The following WASF1 variants were observed in gnomAD, a reference collection of about 807,000 sequenced individuals.
WASF1 encodes WASP family member 1, also known as actin-binding protein WASF1.
In WASF1, 7 loss-of-function variants were observed where a neutral mutation model predicts 50.5. The ratio of observed to expected loss-of-function variants is 0.14; its 90% CI spans 0.08 to 0.26. The LOEUF is 0.26. WASF1 is among the 10% of genes least tolerant of loss of function. The pLI is 1.00. For missense variants in WASF1, 470 were observed against 694.7 expected, an observed-to-expected ratio of 0.68 and a Z score of 3.64; for synonymous variants, 205 against 244.0, an observed-to-expected ratio of 0.84 and a Z score of 1.49.
chr6:110,117,789 A>G (rs1032323063), intron 4 of WASF1, among the ~76,000 whole-genome samples: 2 of 152,216 alleles, frequency 1.3e-5, no homozygotes, highest in African/African-American at 2.4e-5. Flanking sequence ...TACAAAGGGA[A>G]GCCCATCAGA....
At chr6:110,135,361 T>A (rs578152536) in intron 3 of WASF1, among the ~76,000 whole-genome samples, 1 of 152,168 alleles carries the variant, frequency 6.6e-6, no homozygotes, top group Non-Finnish European at 1.5e-5. Context: ...CCCTTTCTTT[T>A]TCGTTGGATT....
At chr6:110,143,845 T>C (rs1054877745) in intron 3 of WASF1, among the ~76,000 whole-genome samples, 2 of 152,238 alleles carry the variant, frequency 1.3e-5, no homozygotes, top group Admixed American at 6.5e-5. Flanking sequence ...TTATATGTCA[T>C]AGAAATATAA....
At chr6:110,101,031 G>C (rs1281747946) in intron 10 of WASF1, among the ~76,000 whole-genome samples, 1 of 152,050 alleles carries the variant, frequency 6.6e-6, no homozygotes, top group Non-Finnish European at 1.5e-5. Flanking sequence ...ATTTTCTGTG[G>C]CTTCATTATC....
At chr6:110,104,468 A>G (rs776758351) in intron 8 of WASF1, among the ~76,000 whole-genome samples, 2 of 152,176 alleles carry the variant, frequency 1.3e-5, no homozygotes, top group African/African-American at 4.8e-5. Context: ...ACTTAAAAGA[A>G]AACCTTAAGC....
chr6:110,168,327 T>C (rs1776560340), intron 2 of WASF1, among the ~76,000 whole-genome samples: 1 of 152,114 alleles, frequency 6.6e-6, no homozygotes, highest in Non-Finnish European at 1.5e-5. Flanking sequence ...TTATTTTTAA[T>C]GCTAATGAAT....
intron 3 of WASF1, among the ~76,000 whole-genome samples, chr6:110,154,955 G>A (rs1355497113): frequency 6.6e-6 from 1 of 151,956 alleles, no homozygotes; most frequent in Non-Finnish European, 1.5e-5. Context: ...TGCCAAATAA[G>A]ATATAAAAGG....
At chr6:110,150,453 G>A (rs1317256217) in intron 3 of WASF1, among the ~76,000 whole-genome samples, 1 of 152,074 alleles carries the variant, frequency 6.6e-6, no homozygotes, top group African/African-American at 2.4e-5. Flanking sequence ...AAATTAAAAC[G>A]AAGTAAATAA....
chr6:110,178,007 T>C (rs1316168332), intron 2 of WASF1, among the ~76,000 whole-genome samples: 4 of 151,420 alleles, frequency 2.6e-5, no homozygotes, highest in Non-Finnish European at 5.9e-5. Context: ...CTCATACTTG[T>C]AGATTCAAGT....
At chr6:110,176,662 T>TG in intron 2 of WASF1, among the ~76,000 whole-genome samples, 1 of 152,122 alleles carries the variant, frequency 6.6e-6, no homozygotes, top group Non-Finnish European at 1.5e-5. Context: ...ATTGAGCCCC[T>TG]GCTATTTGTT....
At position 110,153,501 on chromosome 6, in the gene WASF1, C is replaced by A. The variant is rs555606134; in HGVS notation, c.-29+7134G>T. Among the ~76,000 whole-genome samples, 4 of 152,260 alleles carry A rather than the reference C, an allele frequency of 2.6e-5. No homozygotes were observed. In the South Asian group the frequency reaches 8.3e-4, roughly 32 times the overall value. On this transcript the variant is annotated intron_variant, in intron 3 of 10. Coordinates refer to ENST00000392589, the MANE Select transcript of WASF1 (RefSeq NM_003931.3). ...AGATTAAATCAATCTATGTTGATTT[C>A]TCACTGTATCCTCACCCAAACTTGG...
At chr6:110,144,103 T>G (rs1380577679) in intron 3 of WASF1, among the ~76,000 whole-genome samples, 1 of 152,184 alleles carries the variant, frequency 6.6e-6, no homozygotes, top group African/African-American at 2.4e-5. Flanking sequence ...TTCCTATTTC[T>G]CCACATCCTC....
Position 110,101,724 on chromosome 6 carries a change from G to A in WASF1, c.1386C>T (p.Ala462=), listed in dbSNP as rs1562159703. The stretch of plus-strand genomic sequence containing the variant: ...GCATTAATGGAACATGGGGACCTGG[G>A]GCAGTAGATGGAGTTGGATGTAGCC... The part of the protein sequence containing the change: ...PSGLHPTPST[A]PGPHVPLMPP... The change falls in exon 10 of 11, where the codon GCC becomes GCT. Residue 462 remains alanine, a synonymous_variant. Transcript: ENST00000392589. The A allele has an allele frequency of 1.9e-6, 3 of 1,614,154 alleles. No individual in the cohort carries two copies. Among genetic ancestry groups the A allele is most frequent in the Non-Finnish European group, 2.5e-6 (3 of 1,180,026 alleles).
chr6:110,111,845 T>C (rs1186185145), intron 5 of WASF1, among the ~76,000 whole-genome samples: 1 of 152,092 alleles, frequency 6.6e-6, no homozygotes, highest in Non-Finnish European at 1.5e-5. Context: ...ACTCTAAAAT[T>C]GATTGTGGTG....
At chr6:110,117,181 T>G (rs1211109364) in intron 4 of WASF1, among the ~76,000 whole-genome samples, 1 of 152,056 alleles carries the variant, frequency 6.6e-6, no homozygotes, top group Non-Finnish European at 1.5e-5. Context: ...TTGATAGAAG[T>G]AGGCTTCACA....
chr6:110,124,220 CT>C (rs1774275700), intron 4 of WASF1, among the ~76,000 whole-genome samples: 7 of 72,618 alleles, frequency 9.6e-5, no homozygotes, highest in African/African-American at 5.4e-4. Context: ...TCTCTCTCCT[CT>C]CTCTCCTCTC....
intron 3 of WASF1, among the ~76,000 whole-genome samples, chr6:110,143,815 C>T (rs1356944593): frequency 6.6e-6 from 1 of 152,080 alleles, no homozygotes. Context: ...TTTAAAATGA[C>T]ATTAATGTTA....
intron 4 of WASF1, among the ~76,000 whole-genome samples, chr6:110,124,229 C>CT (rs1562170244): frequency 1.6e-5 from 1 of 62,856 alleles, no homozygotes; most frequent in Non-Finnish European, 2.7e-5. Flanking sequence ...TCTCTCTCCT[C>CT]TCTCTCCTCT....
At chr6:110,154,242 T>C (rs1326127610) in intron 3 of WASF1, among the ~76,000 whole-genome samples, 1 of 152,078 alleles carries the variant, frequency 6.6e-6, no homozygotes, top group Non-Finnish European at 1.5e-5. Context: ...CCTAATACAA[T>C]ACAATATCAT....
intron 2 of WASF1, among the ~76,000 whole-genome samples, chr6:110,171,109 A>G (rs1776695538): frequency 6.6e-6 from 1 of 152,136 alleles, no homozygotes; most frequent in African/African-American, 2.4e-5. Flanking sequence ...CAGTACTTCA[A>G]CCAACAACAG....
Sources: allele counts gnomAD v4.1 joint callset (sites outside exome capture counted in the v4.1 genomes callset), GRCh38; gene constraint gnomAD v4.1.1; transcripts MANE v1.5; gene names NCBI Gene and HGNC (gene_info 2026-07-23, HGNC 2026-07-21).